Variants in PLCD4 observed in about 807,000 individuals in gnomAD.
The protein encoded by PLCD4 is phospholipase C delta 4.
In PLCD4, 63 loss-of-function variants were observed where a neutral mutation model predicts 90.2. That is an observed-to-expected ratio of 0.70 (90% CI 0.57 to 0.86). PLCD4 has a LOEUF of 0.86. Ranked by LOEUF, PLCD4 falls within the 40% of genes least tolerant of loss-of-function variation. PLCD4 has a pLI of 0.00. For missense variants in PLCD4, 830 were observed against 956.3 expected (o/e 0.87, Z 1.74); for synonymous variants, 294 against 356.5 (o/e 0.82, Z 1.97).
At chr2:218,629,444 G>C in intron 7 of PLCD4, 75 bp from the exon 8 acceptor site, 1 of 1,541,956 alleles carries the variant, frequency 6.5e-7, no homozygotes, top group Non-Finnish European at 8.8e-7. Context: ...GTTCTCTCCA[G>C]AGTGGGGAGA....
In PLCD4 at chr2:218,636,358, T is replaced by C; in HGVS notation, c.2148T>C (p.Gly716=). 3 of 1,614,002 alleles carry C rather than the reference T, an allele frequency of 1.9e-6. No individual in the cohort carries two copies. Among genetic ancestry groups the C allele is most frequent in the Non-Finnish European group, 2.5e-6 (3 of 1,179,886 alleles). The change falls in exon 15 of 16, where the codon GGT becomes GGC. Residue 716 remains glycine, a synonymous_variant. Transcript: ENST00000450993. ...YDWKSRNDFI[G]QYTLPWTCMQ... is the part of the protein sequence containing the mutation. ...GGAAATCCCGAAATGACTTTATTGG[T>C]CAGTACACCCTGCCTTGGACCTGCA...
intron 4 of PLCD4, among the ~76,000 whole-genome samples, chr2:218,620,984 C>A (rs572899512): frequency 6.6e-6 from 1 of 150,882 alleles, no homozygotes; most frequent in Non-Finnish European, 1.5e-5. Context: ...GGCTGGAATG[C>A]AGTGGTGCCA....
rs1696410366 is a variant in PLCD4, at chr2:218,632,167, A to G, written c.1304A>G (p.Lys435Arg). 3 of 1,610,178 alleles carry G rather than the reference A, an allele frequency of 1.9e-6. No individual in the cohort carries two copies. The highest frequency in any genetic ancestry group is 2.2e-5 in the South Asian group (2 of 89,804). Residue 435 changes from lysine to arginine, a missense_variant, in exon 10 of 16, where the codon AAG becomes AGG. Coordinates refer to ENST00000450993, the MANE Select transcript of PLCD4 (RefSeq NM_032726.4). ...CGGAGGAAGATCCTGGTGAAGGGGA[A>G]GAAGTTAACACTTGAGGAAGACCTG... Reference protein sequence around the residue: ...ELRRKILVKGKKLTLEEDLEY... With the variant: ...ELRRKILVKGRKLTLEEDLEY...
intron 1 of PLCD4, among the ~76,000 whole-genome samples, chr2:218,613,249 G>C (rs976591678): frequency 6.6e-5 from 10 of 151,858 alleles, no homozygotes; most frequent in African/African-American, 2.4e-4. Flanking sequence ...AAATTAGCTG[G>C]GTGTGGTGAT....
chr2:218,608,570 G>A (rs1695190093), intron 1 of PLCD4, among the ~76,000 whole-genome samples: 1 of 152,098 alleles, frequency 6.6e-6, no homozygotes, highest in Non-Finnish European at 1.5e-5. Flanking sequence ...GTGCACCAGA[G>A]TGCTACGTTG....
chr2:218,610,704 G>A (rs1027708245), intron 1 of PLCD4, among the ~76,000 whole-genome samples: 3 of 151,860 alleles, frequency 2.0e-5, no homozygotes, highest in Admixed American at 6.6e-5. Flanking sequence ...CCTTGAGCTG[G>A]TTGTATGGAG....
At chr2:218,629,367 T>C in intron 7 of PLCD4, 152 bp from the exon 8 acceptor site, 3 of 846,622 alleles carry the variant, frequency 3.5e-6, no homozygotes, top group East Asian at 2.7e-5. Flanking sequence ...AGTGTCCCCA[T>C]GGATGGAGAA....
intron 7 of PLCD4, chr2:218,628,541 A>G (rs1321864562): frequency 3.8e-6 from 1 of 262,282 alleles, no homozygotes; most frequent in Admixed American, 4.6e-5. Context: ...TAGGAGTTAA[A>G]AATATAGGTT....
At chr2:218,609,071 G>A (rs1575007392) in intron 1 of PLCD4, among the ~76,000 whole-genome samples, 1 of 151,626 alleles carries the variant, frequency 6.6e-6, no homozygotes, top group Admixed American at 6.6e-5. Flanking sequence ...GAACCCCGGG[G>A]GGCGGAGCCT....
intron 4 of PLCD4, 103 bp downstream of exon 4, chr2:218,618,910 G>T: frequency 9.0e-7 from 1 of 1,115,290 alleles, no homozygotes; most frequent in Non-Finnish European, 1.3e-6. Context: ...GCAGGGCTAG[G>T]GAGGCCCAAG....
chr2:218,633,360 G>A (rs1483170621), intron 10 of PLCD4: 15 of 703,528 alleles, frequency 2.1e-5, no homozygotes, highest in East Asian at 5.4e-5. Flanking sequence ...CATGCAGACC[G>A]CCTTTATTCC....
chr2:218,611,031 G>A (rs1463794310), intron 1 of PLCD4, among the ~76,000 whole-genome samples: 1 of 151,976 alleles, frequency 6.6e-6, no homozygotes, highest in Admixed American at 6.6e-5. Context: ...CCCGGCCAGA[G>A]ACCTTGGTTC....
intron 7 of PLCD4, 109 bp downstream of exon 7, chr2:218,628,339 G>A: frequency 9.1e-7 from 1 of 1,102,714 alleles, no homozygotes; most frequent in Non-Finnish European, 1.3e-6. Context: ...GGGTTTAGGG[G>A]CTGAGGAGCC....
chr2:218,622,459 A>G (rs931570872), intron 5 of PLCD4, 188 bp from the exon 6 acceptor site: 39 of 469,318 alleles, frequency 8.3e-5, no homozygotes, highest in African/African-American at 6.0e-4. Context: ...AGTCAAGGTC[A>G]TAACATTTCC....
chr2:218,626,730 T>A (rs1696135371), intron 6 of PLCD4, among the ~76,000 whole-genome samples: 2 of 152,114 alleles, frequency 1.3e-5, no homozygotes, highest in South Asian at 4.1e-4. Flanking sequence ...TAAGGAGATG[T>A]TGACAAATGA....
chr2:218,615,219 C>CA (rs1426111863), intron 1 of PLCD4, among the ~76,000 whole-genome samples: 34 of 151,058 alleles, frequency 2.3e-4, no homozygotes, highest in African/African-American at 2.7e-4. Context: ...CACTCCGTAT[C>CA]AAAAAAAAGA....
intron 1 of PLCD4, among the ~76,000 whole-genome samples, chr2:218,611,633 C>A (rs909188852): frequency 3.9e-5 from 6 of 152,146 alleles, no homozygotes; most frequent in Non-Finnish European, 1.5e-5. Flanking sequence ...GAGTCTCACT[C>A]CGTCACCCAG....
At chr2:218,632,785 C>T (rs1425527804) in intron 10 of PLCD4, among the ~76,000 whole-genome samples, 1 of 152,036 alleles carries the variant, frequency 6.6e-6, no homozygotes, top group Non-Finnish European at 1.5e-5. Context: ...ATAGAGAAAG[C>T]TTTTTGGAAA....
In PLCD4 at chr2:218,634,714, G is replaced by A. The variant is rs1575043693; in HGVS notation, c.1896+84G>A. On this transcript the variant is annotated intron_variant, in intron 13 of 15. Transcript: ENST00000450993. The surrounding 1 kb of genome is among the most constrained non-coding windows in gnomAD (Gnocchi z 4.0). Reference sequence around the variant, plus strand: ...AGAGGTGGCTAGGCCTGACCGGAATGTAGAGGCCGGATAGCCTATTAACAG... The same window carrying A: ...AGAGGTGGCTAGGCCTGACCGGAATATAGAGGCCGGATAGCCTATTAACAG... 2.7e-6 allele frequency: 4 copies of A among 1,459,762 alleles called. No individual in the cohort carries two copies. In the East Asian group the frequency reaches 9.1e-5, roughly 33 times the overall value. The allele number at this position is 1,459,762 out of a possible 1,614,324, so 90.4% of individuals were successfully genotyped here.
Sources: gnomAD v4.1 joint callset for allele counts (sites outside exome capture counted in the v4.1 genomes callset) on GRCh38, gnomAD v4.1.1 for gene constraint, Gnocchi (gnomAD v3.1) non-coding constraint, MANE v1.5 for transcripts, NCBI Gene and HGNC (gene_info 2026-07-23, HGNC 2026-07-21) for gene names.